FAM227A: variants seen among roughly 807,000 people sequenced by gnomAD.
The protein encoded by FAM227A is protein FAM227A.
In FAM227A, 80 loss-of-function variants were observed where a neutral mutation model predicts 74.7. The ratio of observed to expected loss-of-function variants is 1.07; its 90% CI spans 0.89 to 1.29. The LOEUF is 1.29. Among genes scored for constraint, FAM227A ranks in the 50% most tolerant of loss-of-function variants. The pLI, the probability that FAM227A is intolerant of heterozygous loss-of-function variation, is 0.00. For missense variants in FAM227A, 654 were observed against 683.4 expected, an observed-to-expected ratio of 0.96 and a Z score of 0.48; for synonymous variants, 237 against 241.8, an observed-to-expected ratio of 0.98 and a Z score of 0.19.
Position 38,585,233 on chromosome 22 carries a change from GTTTTC to G in FAM227A, c.*887_*891del, listed in dbSNP as rs1440337922. The G allele has an allele frequency of 1.3e-5, 2 of 152,120 alleles. No individual in the cohort carries two copies. Among genetic ancestry groups the G allele is most frequent in the African/African-American group, 4.8e-5 (2 of 41,510 alleles). The allele number at this position is 152,120 out of a possible 1,614,324, so 9.4% of individuals were successfully genotyped here. ...GTCCCTAGTTGCAGTATTATTTTTT[GTTTTC>G]TTATTTCTATTTTAGATTAAATCAG... is the stretch of plus-strand genomic sequence containing the variant. On this transcript the variant is annotated 3_prime_UTR_variant, in exon 17 of 17. Transcript: ENST00000535113.
intron 12 of FAM227A, among the ~76,000 whole-genome samples, chr22:38,606,231 A>G (rs1479002709): frequency 2.0e-5 from 3 of 152,080 alleles, no homozygotes; most frequent in Non-Finnish European, 4.4e-5. Context: ...CAGTGGCTCA[A>G]TCATGACTCA....
At chr22:38,597,768 T>C (rs1312225595) in intron 14 of FAM227A, among the ~76,000 whole-genome samples, 1 of 152,094 alleles carries the variant, frequency 6.6e-6, no homozygotes, top group East Asian at 1.9e-4. Context: ...TATAAAAATA[T>C]TCTTGGCCAG....
chr22:38,628,218 A>G lies in FAM227A; in HGVS notation c.726+20T>C. ...AGAAATCTAATGTGACTTTTTTTCT[A>G]GATAGTGGCTGATGCTCACTTTTAA... On this transcript the variant is annotated intron_variant, in intron 8 of 16. Transcript: ENST00000535113. 5 of 1,408,264 alleles carry G rather than the reference A, an allele frequency of 3.6e-6. No homozygotes were observed. The highest frequency in any genetic ancestry group is 4.9e-6 in the Non-Finnish European group (5 of 1,020,346). 87.2% of individuals were successfully genotyped at this position (1,408,264 alleles called of 1,614,324 possible). A position where few individuals can be genotyped will look rare whatever the true frequency, so the allele number is the denominator to read the frequency against.
chr22:38,620,665 C>T (rs1057388440), intron 10 of FAM227A, among the ~76,000 whole-genome samples: 1 of 151,808 alleles, frequency 6.6e-6, no homozygotes, highest in African/African-American at 2.4e-5. Flanking sequence ...AAAAATCAGC[C>T]GGGCATGGTG....
intron 16 of FAM227A, among the ~76,000 whole-genome samples, chr22:38,590,907 C>G (rs1006583396): frequency 1.1e-4 from 16 of 152,056 alleles, no homozygotes; most frequent in Admixed American, 3.9e-4. Context: ...GCCTCAGCCT[C>G]CCGAGTAGCT....
At chr22:38,636,756 T>C (rs976971527) in intron 5 of FAM227A, among the ~76,000 whole-genome samples, 159 bp from the exon 6 acceptor site, 1 of 149,636 alleles carries the variant, frequency 6.7e-6, no homozygotes, top group African/African-American at 2.5e-5. Context: ...TCCAAACTCC[T>C]ATCTACATTA....
intron 11 of FAM227A, among the ~76,000 whole-genome samples, chr22:38,615,897 G>T (rs1485610740): frequency 6.6e-6 from 1 of 152,164 alleles, no homozygotes; most frequent in African/African-American, 2.4e-5. Flanking sequence ...TAGGAGTCAG[G>T]TGCTTTCCTC....
chr22:38,639,954 G>A (rs2092079438), intron 3 of FAM227A, among the ~76,000 whole-genome samples: 1 of 152,042 alleles, frequency 6.6e-6, no homozygotes, highest in Non-Finnish European at 1.5e-5. Flanking sequence ...AGGAGTATGT[G>A]ATTTAGAGCA....
chr22:38,606,477 T>C (rs2091286767), intron 12 of FAM227A, among the ~76,000 whole-genome samples: 1 of 152,180 alleles, frequency 6.6e-6, no homozygotes, highest in South Asian at 2.1e-4. Context: ...CTAAACTGGT[T>C]ACCATGCCTT....
At position 38,650,081 on chromosome 22, in the gene FAM227A, C is replaced by A; in HGVS notation, c.88G>T (p.Ala30Ser). The change falls in exon 2 of 17, where the codon GCA becomes TCA. Residue 30 changes from alanine to serine, a missense_variant. Ala to Ser is a moderately conservative substitution (Grantham distance 99). Coordinates refer to ENST00000535113, the MANE Select transcript of FAM227A (RefSeq NM_001013647.2). The stretch of plus-strand genomic sequence containing the variant: ...ACAGTCTTCACCATTGTATTCCGTG[C>A]GACAAGCGAGACAGCCAGGTGCTCA... ...VDEHLAVSLV[A>S]RNTMVKTVRK... 1 of 1,551,994 alleles carries A rather than the reference C, an allele frequency of 6.4e-7. No individual in the cohort carries two copies. Among genetic ancestry groups the A allele is most frequent in the Non-Finnish European group, 8.7e-7 (1 of 1,147,060 alleles).
At chr22:38,606,796 C>T (rs2091293380) in intron 12 of FAM227A, among the ~76,000 whole-genome samples, 1 of 152,160 alleles carries the variant, frequency 6.6e-6, no homozygotes, top group East Asian at 1.9e-4. Flanking sequence ...GTCATCATGT[C>T]TTAAATTTAT....
In FAM227A at chr22:38,605,588, C is replaced by T. The variant is rs554772854; in HGVS notation, c.1127-240G>A. Among the ~76,000 whole-genome samples, 9 of 152,288 alleles carry T rather than the reference C, an allele frequency of 5.9e-5. No homozygotes were observed. The East Asian group carries it at 9.6e-4, about 16-fold the overall frequency. On this transcript the variant is annotated intron_variant, in intron 12 of 16. Coordinates refer to ENST00000535113, the MANE Select transcript of FAM227A (RefSeq NM_001013647.2). ...TACAGGCATGAGCCACTGTGCCCCGCTAAAGCAGTGTTTAGAGGGAAGTCT... is the reference window on the plus strand; with the variant it reads ...TACAGGCATGAGCCACTGTGCCCCGTTAAAGCAGTGTTTAGAGGGAAGTCT...
chr22:38,579,053 TCA>T lies in FAM227A; in HGVS notation c.*7070_*7071del, dbSNP rs1315389221. 1.3e-5 allele frequency: 2 copies of T among 152,202 alleles called. No homozygotes were observed. Among genetic ancestry groups the T allele is most frequent in the East Asian group, 1.9e-4 (1 of 5,196 alleles). The allele number at this position is 152,202 out of a possible 1,614,324, so 9.4% of individuals were successfully genotyped here. On this transcript the variant is annotated 3_prime_UTR_variant, in exon 17 of 17. Transcript: ENST00000535113. Reference sequence around the variant, plus strand: ...GGAGGTTAAGTAACTTGCCTGAGGCTCACAGTCTGGCTCCAGTGACCATGCTC... The same window carrying T: ...GGAGGTTAAGTAACTTGCCTGAGGCTCAGTCTGGCTCCAGTGACCATGCTC...
rs1279885944 is a variant in FAM227A, at chr22:38,579,351, T to C, written c.*6774A>G. The stretch of plus-strand genomic sequence containing the variant: ...TGTGGGCTCCTGTGTGGAGAACTGA[T>C]TGGAGGGGCAAGAGAAAGGGCAAAG... On this transcript the variant is annotated 3_prime_UTR_variant, in exon 17 of 17. Transcript: ENST00000535113. 2 of 152,050 alleles carry C rather than the reference T, an allele frequency of 1.3e-5. No homozygotes were observed. Among genetic ancestry groups the C allele is most frequent in the East Asian group, 1.9e-4 (1 of 5,180 alleles). The allele number at this position is 152,050 out of a possible 1,614,324, so 9.4% of individuals were successfully genotyped here.
intron 2 of FAM227A, among the ~76,000 whole-genome samples, chr22:38,646,242 G>GTTTTTTTTTTTTTT (rs1569240853): frequency 8.0e-6 from 1 of 125,144 alleles, no homozygotes; most frequent in African/African-American, 3.1e-5. Context: ...TTTCCTTCCA[G>GTTTTTTTTTTTTTT]TATTTCTTTT....
At chr22:38,630,105 A>C (rs1237198586) in intron 6 of FAM227A, among the ~76,000 whole-genome samples, 3 of 144,318 alleles carry the variant, frequency 2.1e-5, no homozygotes, top group Admixed American at 6.9e-5. Flanking sequence ...TTCTTTAACC[A>C]TCACTCACAC....
rs189464472 is a variant in FAM227A, at chr22:38,606,975, G to A, written c.1126+414C>T. ...GGGAGGATCATGAGGTCAGGAGTTC[G>A]AGACCAGCCTGGCCAACATGGTGAA... On this transcript the variant is annotated intron_variant, in intron 12 of 16. Coordinates refer to ENST00000535113, the MANE Select transcript of FAM227A (RefSeq NM_001013647.2). Among the ~76,000 whole-genome samples the A allele has an allele frequency of 2.7e-3, 412 of 152,142 alleles. 3 individuals carry two copies. The highest frequency in any genetic ancestry group is 9.6e-3 in the African/African-American group (398 of 41,534).
chr22:38,624,202 C>G (rs776322754), intron 9 of FAM227A, among the ~76,000 whole-genome samples: 1 of 151,894 alleles, frequency 6.6e-6, no homozygotes, highest in African/African-American at 2.4e-5. Context: ...GTCAGGAGTT[C>G]GAGACCAGCC....
intron 1 of FAM227A, chr22:38,653,889 A>G (rs571046716): frequency 1.3e-5 from 2 of 152,344 alleles, no homozygotes; most frequent in East Asian, 3.8e-4. Flanking sequence ...AGGGGCTTAC[A>G]TCTACTGGAG....
Sources: gnomAD v4.1 joint callset for allele counts (sites outside exome capture counted in the v4.1 genomes callset) on GRCh38, gnomAD v4.1.1 for gene constraint, MANE v1.5 for transcripts, NCBI Gene and HGNC (gene_info 2026-07-23, HGNC 2026-07-21) for gene names.